Variants in CFD observed in about 807,000 individuals in gnomAD.
The protein encoded by CFD is complement factor D, also known as C3 convertase activator.
A neutral mutation model predicts 21.1 loss-of-function variants in CFD; 24 were observed. The observed-to-expected ratio is 1.14, with a 90% CI of 0.82 to 1.60. The LOEUF (loss-of-function observed/expected upper bound fraction) is 1.60. Among genes scored for constraint, CFD ranks in the 40% most tolerant of loss-of-function variants. The pLI, the probability that CFD is intolerant of heterozygous loss-of-function variation, is 0.00. For synonymous variants in CFD, 242 were observed against 175.9 expected (o/e 1.38, Z -2.97); for missense variants, 535 against 383.3 (o/e 1.40, Z -3.31).
At position 861,769 on chromosome 19, in the gene CFD, C is replaced by T. The variant is rs773419597; in HGVS notation, c.428C>T (p.Ala143Val). 61 of 1,606,006 alleles carry T rather than the reference C, an allele frequency of 3.8e-5. 1 individual carries two copies. In the South Asian group the frequency reaches 6.6e-4, roughly 17 times the overall value. ...LPWQRVDRDV[A>V]PGTLCDVAGW... ...TGGCAGCGCGTGGACCGCGACGTGG[C>T]ACCGGGAACTCTCTGCGACGTGGCC... The change falls in exon 4 of 5, where the codon GCA becomes GTA. Residue 143 changes from alanine to valine, a missense_variant. Ala to Val is a moderately conservative substitution (Grantham distance 64, BLOSUM62 0). Coordinates refer to ENST00000327726, the MANE Select transcript of CFD (RefSeq NM_001928.4).
intron 4 of CFD, 112 bp downstream of exon 4, chr19:862,068 G>A: frequency 1.4e-6 from 2 of 1,422,318 alleles, no homozygotes; most frequent in Non-Finnish European, 1.8e-6. Context: ...AAGGGGCGGG[G>A]CGCGTAGGGG....
intron 1 of CFD, 69 bp downstream of exon 1, chr19:859,813 G>C (rs534031942): frequency 4.0e-5 from 51 of 1,278,632 alleles, no homozygotes; most frequent in Middle Eastern, 1.8e-4. Context: ...TCCGTCACAC[G>C]GACGGTCCTC....
chr19:860,373 G>A (rs752539524), intron 1 of CFD, among the ~76,000 whole-genome samples: 16 of 151,586 alleles, frequency 1.1e-4, no homozygotes, highest in Non-Finnish European at 1.8e-4. Flanking sequence ...TTAAAGTAGA[G>A]ACGGGGTTTC....
chr19:863,055 G>A (rs2035830578), intron 4 of CFD, 37 bp from the exon 5 acceptor site: 2 of 1,484,524 alleles, frequency 1.3e-6, no homozygotes, highest in Non-Finnish European at 1.8e-6. Context: ...CGGGGTGGGC[G>A]CGGGCCGCCC....
Position 863,281 on chromosome 19 carries a change from C to G in CFD, c.*43C>G. 1.3e-6 allele frequency: 2 copies of G among 1,542,716 alleles called. No individual in the cohort carries two copies. Among genetic ancestry groups the G allele is most frequent in the South Asian group, 2.4e-5 (2 of 84,408 alleles). ...GTCAGGGTCACCCAAGCAACAAAGT[C>G]CCGAGCAATGAAGTCATCCACTCCT... On this transcript the variant is annotated 3_prime_UTR_variant, in exon 5 of 5. Transcript: ENST00000327726.
chr19:863,512 G>A lies in CFD; in HGVS notation c.*274G>A, dbSNP rs2035842160. On this transcript the variant is annotated 3_prime_UTR_variant, in exon 5 of 5. Coordinates refer to ENST00000327726, the MANE Select transcript of CFD (RefSeq NM_001928.4). ...AGCTACTCAGGAGGCTGAGGTGGGAGGATGACTTGAACGCAGGAGGCTGAG... is the reference window on the plus strand; with the variant it reads ...AGCTACTCAGGAGGCTGAGGTGGGAAGATGACTTGAACGCAGGAGGCTGAG... 1 of 515,994 alleles carries A rather than the reference G, an allele frequency of 1.9e-6. No individual in the cohort carries two copies. The highest frequency in any genetic ancestry group is 3.5e-6 in the Non-Finnish European group (1 of 282,926). The allele number at this position is 515,994 out of a possible 1,614,324, so 32.0% of individuals were successfully genotyped here.
intron 3 of CFD, among the ~76,000 whole-genome samples, 171 bp from the exon 4 acceptor site, chr19:861,528 A>C (rs1599301403): frequency 7.5e-5 from 4 of 53,044 alleles, no homozygotes; most frequent in African/African-American, 2.3e-4. Context: ...CACCCACCCC[A>C]TCCCCACCTG....
chr19:860,311 C>T (rs566628840), intron 1 of CFD, among the ~76,000 whole-genome samples: 2 of 152,184 alleles, frequency 1.3e-5, no homozygotes, highest in South Asian at 4.1e-4. Context: ...CTGCCTCAGC[C>T]TTCCGAATAG....
intron 1 of CFD, among the ~76,000 whole-genome samples, chr19:860,102 G>T (rs1250276698): frequency 6.6e-6 from 1 of 152,074 alleles, no homozygotes; most frequent in African/African-American, 2.4e-5. Flanking sequence ...CCAGCCCACT[G>T]TGGGTTCTGT....
At chr19:861,441 G>GCCC (rs1260247159) in intron 3 of CFD, among the ~76,000 whole-genome samples, 2 of 125,014 alleles carry the variant, frequency 1.6e-5, no homozygotes, top group Non-Finnish European at 3.4e-5. Context: ...TGCACTGGGA[G>GCCC]CCCCCCACCC....
chr19:860,432 C>CT (rs1461415839), intron 1 of CFD, among the ~76,000 whole-genome samples, 185 bp from the exon 2 acceptor site: 2 of 147,656 alleles, frequency 1.4e-5, no homozygotes, highest in Non-Finnish European at 1.5e-5. Context: ...TGATCTGCAC[C>CT]CCCCCCTCCC....
In CFD at chr19:863,145, C is replaced by A. The variant is rs772108659; in HGVS notation, c.669C>A (p.Thr223=). Residue 223 remains threonine (T), a synonymous_variant, in exon 5 of 5, where the codon ACC becomes ACA. Coordinates refer to ENST00000327726, the MANE Select transcript of CFD (RefSeq NM_001928.4). The part of the protein sequence containing the change: ...VCGGVLEGVV[T]SGSRVCGNRK... Reference sequence around the variant, plus strand: ...GGGGCGTGCTCGAGGGCGTGGTCACCTCGGGCTCGCGCGTTTGCGGCAACC... The same window carrying A: ...GGGGCGTGCTCGAGGGCGTGGTCACATCGGGCTCGCGCGTTTGCGGCAACC... 1 of 1,535,692 alleles carries A rather than the reference C, an allele frequency of 6.5e-7. No homozygotes were observed.
intron 1 of CFD, 119 bp from the exon 2 acceptor site, chr19:860,498 G>A: frequency 2.3e-6 from 2 of 875,722 alleles, no homozygotes; most frequent in Non-Finnish European, 2.9e-6. Context: ...GAGCCACCGC[G>A]CCCAGAGATG....
Position 860,709 on chromosome 19 carries a change from C to T in CFD, c.148C>T (p.Leu50=), listed in dbSNP as rs767330275. 4.5e-6 allele frequency: 7 copies of T among 1,559,672 alleles called. No individual in the cohort carries two copies. In the South Asian group the frequency reaches 5.8e-5, roughly 13 times the overall value. Residue 50 remains leucine, a synonymous_variant, in exon 2 of 5, where the codon CTG becomes TTG. Coordinates refer to ENST00000327726, the MANE Select transcript of CFD (RefSeq NM_001928.4). Reference sequence around the variant, plus strand: ...GTCGGTGCAGCTGAACGGCGCGCACCTGTGCGGCGGCGTCCTGGTGGCGGA... The same window carrying T: ...GTCGGTGCAGCTGAACGGCGCGCACTTGTGCGGCGGCGTCCTGGTGGCGGA... The part of the protein sequence containing the change: ...MASVQLNGAH[L]CGGVLVAEQW...
chr19:862,794 G>A (rs966481088), intron 4 of CFD, among the ~76,000 whole-genome samples: 1 of 53,322 alleles, frequency 1.9e-5, no homozygotes, highest in Non-Finnish European at 6.0e-5. Flanking sequence ...CAGGAATGAG[G>A]TGTGGGACCC....
Position 863,084 on chromosome 19 carries a change from T to G in CFD, c.616-8T>G. 1 of 1,519,774 alleles carries G rather than the reference T, an allele frequency of 6.6e-7. No individual in the cohort carries two copies. The highest frequency in any genetic ancestry group is 1.2e-5 in the South Asian group (1 of 83,380). 94.1% of individuals were successfully genotyped at this position (1,519,774 alleles called of 1,614,324 possible). A position where few individuals can be genotyped will look rare whatever the true frequency, so the allele number is the denominator to read the frequency against. On this transcript the variant is annotated splice_region_variant and splice_polypyrimidine_tract_variant and intron_variant, in intron 4 of 4. Coordinates refer to ENST00000327726, the MANE Select transcript of CFD (RefSeq NM_001928.4). ...GCCGCCCCTCACGGCCCCGTCCTGT[T>G]CCGGCAGGGTGACTCCGGGGGCCCG... is the stretch of plus-strand genomic sequence containing the variant.
In CFD at chr19:861,784, G is replaced by A; in HGVS notation, c.443G>A (p.Cys148Tyr). ...CGCGACGTGGCACCGGGAACTCTCT[G>A]CGACGTGGCCGGCTGGGGCATAGTC... ...VDRDVAPGTL[C>Y]DVAGWGIVNH... The change falls in exon 4 of 5, where the codon TGC becomes TAC. Residue 148 changes from cysteine to tyrosine, a missense_variant. Physicochemically the swap from Cys to Tyr is radical, Grantham distance 194 (BLOSUM62 -2). Transcript: ENST00000327726. The A allele has an allele frequency of 1.2e-6, 2 of 1,605,532 alleles. No individual in the cohort carries two copies. Among genetic ancestry groups the A allele is most frequent in the Non-Finnish European group, 1.7e-6 (2 of 1,179,096 alleles).
At position 861,868 on chromosome 19, in the gene CFD, G is replaced by C. The variant is rs1175205795; in HGVS notation, c.527G>C (p.Arg176Pro). ...LQHVLLPVLD[R>P]ATCNRRTHHD... is the part of the protein sequence containing the mutation. ...CACGTGCTCTTGCCAGTGCTGGACC[G>C]CGCCACCTGCAACCGGCGCACGCAC... Residue 176 changes from arginine (R) to proline (P), a missense_variant, in exon 4 of 5, where the codon CGC becomes CCC. Transcript: ENST00000327726. 1 of 1,594,584 alleles carries C rather than the reference G, an allele frequency of 6.3e-7. No homozygotes were observed. The highest frequency in any genetic ancestry group is 8.5e-7 in the Non-Finnish European group (1 of 1,176,598).
chr19:863,283 C>G lies in CFD; in HGVS notation c.*45C>G, dbSNP rs755207994. ...CAGGGTCACCCAAGCAACAAAGTCC[C>G]GAGCAATGAAGTCATCCACTCCTGC... On this transcript the variant is annotated 3_prime_UTR_variant, in exon 5 of 5. Coordinates refer to ENST00000327726, the MANE Select transcript of CFD (RefSeq NM_001928.4). 30 of 1,542,044 alleles carry G rather than the reference C, an allele frequency of 1.9e-5. No homozygotes were observed. In the South Asian group the frequency reaches 3.3e-4, roughly 17 times the overall value.
Sources: gnomAD v4.1 joint callset for allele counts (sites outside exome capture counted in the v4.1 genomes callset) on GRCh38, gnomAD v4.1.1 for gene constraint, MANE v1.5 for transcripts, NCBI Gene and HGNC (gene_info 2026-07-23, HGNC 2026-07-21) for gene names.